Variants in ITGBL1 observed in about 807,000 individuals in gnomAD.
ITGBL1 encodes integrin subunit beta like 1, also known as integrin beta-like protein 1.
In ITGBL1, 51 loss-of-function variants were observed where a neutral mutation model predicts 68.5. That is an observed-to-expected ratio of 0.74 (90% CI 0.59 to 0.94). ITGBL1 has a LOEUF of 0.94. ITGBL1 is among the 40% of genes least tolerant of loss of function. ITGBL1 has a pLI of 0.00. For synonymous variants in ITGBL1, 209 were observed against 227.3 expected, an observed-to-expected ratio of 0.92 and a Z score of 0.72; for missense variants, 649 against 647.4, an observed-to-expected ratio of 1.00 and a Z score of -0.03.
chr13:101,620,774 A>C (rs1252721341), intron 7 of ITGBL1, among the ~76,000 whole-genome samples: 1 of 152,192 alleles, frequency 6.6e-6, no homozygotes, highest in Non-Finnish European at 1.5e-5. Flanking sequence ...GGAAAAATTT[A>C]AAACACGTAT....
chr13:101,468,455 T>C (rs903270940), intron 2 of ITGBL1, among the ~76,000 whole-genome samples: 2 of 152,198 alleles, frequency 1.3e-5, no homozygotes, highest in Admixed American at 1.3e-4. Context: ...TTTTAAGAGA[T>C]AGTCAAAACA....
chr13:101,648,717 A>G (rs1194963018), intron 7 of ITGBL1, among the ~76,000 whole-genome samples: 1 of 152,324 alleles, frequency 6.6e-6, no homozygotes, highest in East Asian at 1.9e-4. Context: ...TAGTTGTACA[A>G]CTATCCTAGC....
chr13:101,507,962 C>T (rs1278166867), intron 2 of ITGBL1, among the ~76,000 whole-genome samples: 1 of 152,062 alleles, frequency 6.6e-6, no homozygotes, highest in East Asian at 1.9e-4. Flanking sequence ...TTTCTTTTGT[C>T]TGGACCTCTC....
At chr13:101,486,879 C>T (rs989112664) in intron 2 of ITGBL1, among the ~76,000 whole-genome samples, 1 of 151,852 alleles carries the variant, frequency 6.6e-6, no homozygotes, top group Non-Finnish European at 1.5e-5. Flanking sequence ...TTTCACACAC[C>T]CAAAAATGCC....
intron 2 of ITGBL1, among the ~76,000 whole-genome samples, chr13:101,562,897 T>G (rs571284602): frequency 6.6e-6 from 1 of 151,736 alleles, no homozygotes; most frequent in Non-Finnish European, 1.5e-5. Flanking sequence ...ATCTTCTGGG[T>G]CATAATAGAA....
At chr13:101,687,038 A>G (rs2033769849) in intron 7 of ITGBL1, among the ~76,000 whole-genome samples, 1 of 152,088 alleles carries the variant, frequency 6.6e-6, no homozygotes, top group African/African-American at 2.4e-5. Context: ...TTAGTTTTAT[A>G]CTAGTAGCAT....
chr13:101,574,808 G>A (rs372301935), intron 3 of ITGBL1, among the ~76,000 whole-genome samples: 1 of 152,018 alleles, frequency 6.6e-6, no homozygotes, highest in East Asian at 1.9e-4. Flanking sequence ...TAACGTGGAG[G>A]TCCCCTGAGA....
At position 101,709,085 on chromosome 13, in the gene ITGBL1, G is replaced by C. The variant is rs190655748; in HGVS notation, c.1279+2183G>C. Reference sequence around the variant, plus strand: ...GGAGATTAAGGAAGAAAAGCAGGAGGCCGGGCGCGGTGGCTCACGCCTGTA... The same window carrying C: ...GGAGATTAAGGAAGAAAAGCAGGAGCCCGGGCGCGGTGGCTCACGCCTGTA... On this transcript the variant is annotated intron_variant, in intron 9 of 10. Transcript: ENST00000376180. Among the ~76,000 whole-genome samples the C allele has an allele frequency of 2.2e-3, 342 of 152,268 alleles. 6 individuals carry two copies. Among genetic ancestry groups the C allele is most frequent in the Non-Finnish European group, 2.4e-3 (163 of 68,016 alleles).
chr13:101,512,639 G>A (rs2049133956), intron 2 of ITGBL1, among the ~76,000 whole-genome samples: 1 of 152,074 alleles, frequency 6.6e-6, no homozygotes, highest in African/African-American at 2.4e-5. Flanking sequence ...CCATGGGGTG[G>A]TTGACCTTTT....
intron 7 of ITGBL1, among the ~76,000 whole-genome samples, chr13:101,633,086 A>T (rs1317320165): frequency 6.6e-6 from 1 of 152,154 alleles, no homozygotes; most frequent in Non-Finnish European, 1.5e-5. Flanking sequence ...TTTCTGTTGG[A>T]ATTGGAAGGG....
intron 7 of ITGBL1, among the ~76,000 whole-genome samples, chr13:101,659,743 G>A (rs1346091764): frequency 1.3e-5 from 2 of 152,130 alleles, no homozygotes; most frequent in Non-Finnish European, 2.9e-5. Context: ...TTACAGGTGT[G>A]AGCCACCGCA....
At position 101,569,025 on chromosome 13, in the gene ITGBL1, AACACACACACACAC is replaced by A. The variant is rs112814235; in HGVS notation, c.463+1213_463+1226del. Among the ~76,000 whole-genome samples, 627 of 103,722 alleles carry A rather than the reference AACACACACACACAC, an allele frequency of 6.0e-3. 15 individuals are homozygous for A. The East Asian group carries it at 0.08, about 13-fold the overall frequency. The allele number at this position is 103,722 out of a possible 152,430, so 68.0% of individuals were successfully genotyped here. A position where few individuals can be genotyped will look rare whatever the true frequency, so the allele number is the denominator to read the frequency against. On this transcript the variant is annotated intron_variant, in intron 3 of 10. Coordinates refer to ENST00000376180, the MANE Select transcript of ITGBL1 (RefSeq NM_004791.3). Reference sequence around the variant, plus strand: ...CCAATTCATAACACCCACCCCTCCAAACACACACACACACACACACACACACACACACACACACA... The same window carrying A: ...CCAATTCATAACACCCACCCCTCCAAACACACACACACACACACACACACA...
chr13:101,673,323 C>A (rs1256659703), intron 7 of ITGBL1, among the ~76,000 whole-genome samples: 1 of 152,128 alleles, frequency 6.6e-6, no homozygotes, highest in Non-Finnish European at 1.5e-5. Flanking sequence ...ACAGATAAGC[C>A]CTTAGCCTGC....
chr13:101,685,223 T>A (rs973997587), intron 7 of ITGBL1, among the ~76,000 whole-genome samples: 2 of 152,020 alleles, frequency 1.3e-5, no homozygotes, highest in African/African-American at 4.8e-5. Context: ...TTAAAAATTA[T>A]AAGTCTTCTC....
At chr13:101,461,960 C>G (rs571379656) in intron 2 of ITGBL1, among the ~76,000 whole-genome samples, 2 of 152,272 alleles carry the variant, frequency 1.3e-5, no homozygotes, top group East Asian at 3.9e-4. Context: ...AGCCTCTGTT[C>G]TTTTCTGAAG....
At chr13:101,540,651 G>C (rs918348530) in intron 2 of ITGBL1, among the ~76,000 whole-genome samples, 1 of 152,142 alleles carries the variant, frequency 6.6e-6, no homozygotes, top group Non-Finnish European at 1.5e-5. Context: ...GGGCAGTATG[G>C]CCATTTTCAC....
In ITGBL1 at chr13:101,579,457, T is replaced by C. The variant is rs571734111; in HGVS notation, c.727+30T>C. ...GTCATTCATACATGTTACTACATAA[T>C]GGGGAGGCAAACAAAGCTTTTAATT... is the stretch of plus-strand genomic sequence containing the variant. On this transcript the variant is annotated intron_variant, in intron 5 of 10. Transcript: ENST00000376180. 1.9e-5 allele frequency: 30 copies of C among 1,604,426 alleles called. 1 individual carries two copies. The highest frequency in any genetic ancestry group is 1.7e-4 in the Middle Eastern group (1 of 6,012).
chr13:101,482,163 A>T (rs1389520487), intron 2 of ITGBL1, among the ~76,000 whole-genome samples: 3 of 152,140 alleles, frequency 2.0e-5, no homozygotes, highest in Non-Finnish European at 2.9e-5. Context: ...AAAATATTGA[A>T]TCTGGATGTT....
At chr13:101,641,612 G>A (rs1017294591) in intron 7 of ITGBL1, among the ~76,000 whole-genome samples, 2 of 148,684 alleles carry the variant, frequency 1.3e-5, no homozygotes, top group African/African-American at 5.0e-5. Context: ...TGCACAATGT[G>A]CAGGTTTGTT....
Sources: gnomAD v4.1 joint callset for allele counts (sites outside exome capture counted in the v4.1 genomes callset) on GRCh38, gnomAD v4.1.1 for gene constraint, MANE v1.5 for transcripts, NCBI Gene and HGNC (gene_info 2026-07-23, HGNC 2026-07-21) for gene names.